Variants in TNR observed in about 807,000 individuals in gnomAD.
The protein encoded by TNR is tenascin-R.
A neutral mutation model predicts 150.4 loss-of-function variants in TNR; 45 were observed. The ratio of observed to expected loss-of-function variants is 0.30; its 90% CI spans 0.24 to 0.38. The LOEUF (loss-of-function observed/expected upper bound fraction) is 0.38, where lower values mean the gene tolerates loss of function less well. Among genes scored for constraint, TNR ranks in the 10% least tolerant of loss-of-function variants. The pLI, the probability that TNR is intolerant of heterozygous loss-of-function variation, is 1.00. For missense variants in TNR, 1,544 were observed against 1,759.1 expected, an observed-to-expected ratio of 0.88 and a Z score of 2.19; for synonymous variants, 687 against 678.4, an observed-to-expected ratio of 1.01 and a Z score of -0.20.
intron 2 of TNR, among the ~76,000 whole-genome samples, chr1:175,413,420 A>G (rs1421877798): frequency 2.0e-5 from 3 of 152,242 alleles, no homozygotes; most frequent in South Asian, 2.1e-4. Context: ...GAAGTGCTGC[A>G]TTGGATATGT....
intron 18 of TNR, 67 bp from the exon 19 acceptor site, chr1:175,337,746 T>C: frequency 6.4e-7 from 1 of 1,566,780 alleles, no homozygotes; most frequent in Non-Finnish European, 8.7e-7. Flanking sequence ...GCTCCTTGGA[T>C]CATAGAAGGT....
At position 175,615,722 on chromosome 1, in the gene TNR, A is replaced by G. The variant is rs78114925; in HGVS notation, c.-164-87353T>C. ...CATGGAGATTAAGCGGAGCCTTCCA[A>G]TTGTGCAGTGGTACTGAATGGAGAC... On this transcript the variant is annotated intron_variant, in intron 1 of 22. Transcript: ENST00000367674. Among the ~76,000 whole-genome samples, 1,150 of 152,314 alleles carry G rather than the reference A, an allele frequency of 7.6e-3. 10 individuals carry two copies. Among genetic ancestry groups the G allele is most frequent in the African/African-American group, 0.025 (1,056 of 41,572 alleles).
chr1:175,330,340 G>T, intron 20 of TNR, 105 bp from the exon 21 acceptor site: 1 of 1,166,882 alleles, frequency 8.6e-7, no homozygotes, highest in Non-Finnish European at 1.2e-6. Context: ...GGAAGAGGAG[G>T]GGACTCCAGA....
chr1:175,663,152 C>T (rs1335198081), intron 1 of TNR, among the ~76,000 whole-genome samples: 1 of 152,296 alleles, frequency 6.6e-6, no homozygotes, highest in South Asian at 2.1e-4. Flanking sequence ...AATCCAGGAG[C>T]CACAGAGACC....
chr1:175,432,193 C>A (rs1008136767), intron 2 of TNR, among the ~76,000 whole-genome samples: 10 of 152,088 alleles, frequency 6.6e-5, no homozygotes, highest in African/African-American at 2.4e-4. Flanking sequence ...AAGTGAATGG[C>A]AACATCGACC....
chr1:175,355,743 C>A (rs1283506864), intron 16 of TNR, 110 bp from the exon 17 acceptor site: 3 of 1,455,014 alleles, frequency 2.1e-6, no homozygotes, highest in Non-Finnish European at 1.9e-6. Context: ...GGATTGCTCA[C>A]ATGCTGACCC....
intron 1 of TNR, among the ~76,000 whole-genome samples, chr1:175,628,695 G>A (rs1372249217): frequency 6.6e-6 from 1 of 152,090 alleles, no homozygotes; most frequent in Non-Finnish European, 1.5e-5. Flanking sequence ...GGGAAGAGGA[G>A]CAGCAGAGAA....
chr1:175,713,801 T>C (rs1348229196), intron 1 of TNR, among the ~76,000 whole-genome samples: 2 of 152,226 alleles, frequency 1.3e-5, no homozygotes, highest in African/African-American at 4.8e-5. Context: ...CAGCGCTGAC[T>C]AAACTGAAAT....
At chr1:175,424,783 A>G (rs1654898092) in intron 2 of TNR, among the ~76,000 whole-genome samples, 2 of 152,152 alleles carry the variant, frequency 1.3e-5, no homozygotes, top group Admixed American at 6.5e-5. Flanking sequence ...CCAGAGTATC[A>G]GAAGCTTCAA....
chr1:175,700,718 T>C (rs917715352), intron 1 of TNR, among the ~76,000 whole-genome samples: 1 of 152,164 alleles, frequency 6.6e-6, no homozygotes, highest in Non-Finnish European at 1.5e-5. Flanking sequence ...GGAGGTAGAA[T>C]CAGGGGCCCT....
At chr1:175,384,692 G>A (rs1652844071) in intron 8 of TNR, among the ~76,000 whole-genome samples, 1 of 152,196 alleles carries the variant, frequency 6.6e-6, no homozygotes, top group Non-Finnish European at 1.5e-5. Flanking sequence ...CGTGGGACAG[G>A]CTGTTCCGAG....
At position 175,480,546 on chromosome 1, in the gene TNR, C is replaced by T. The variant is rs73044466; in HGVS notation, c.-64+47723G>A. On this transcript the variant is annotated intron_variant, in intron 2 of 22. Transcript: ENST00000367674. Reference sequence around the variant, plus strand: ...GTCTCATTTATAGCCTATTCCTTCTCTCTGGTCATAATGACTTGACTCATG... The same window carrying T: ...GTCTCATTTATAGCCTATTCCTTCTTTCTGGTCATAATGACTTGACTCATG... Among the ~76,000 whole-genome samples, 130 of 152,346 alleles carry T rather than the reference C, an allele frequency of 8.5e-4. 1 individual carries two copies. Among genetic ancestry groups the T allele is most frequent in the African/African-American group, 3.0e-3 (125 of 41,580 alleles).
At chr1:175,341,328 G>C (rs1007270107) in intron 18 of TNR, among the ~76,000 whole-genome samples, 4 of 152,190 alleles carry the variant, frequency 2.6e-5, no homozygotes, top group African/African-American at 9.7e-5. Context: ...AGCCTAGACC[G>C]ATGGAGAATC....
intron 9 of TNR, among the ~76,000 whole-genome samples, chr1:175,375,476 T>TC (rs1557893785): frequency 6.6e-6 from 1 of 151,322 alleles, no homozygotes; most frequent in African/African-American, 2.4e-5. Context: ...CAGAGAATAA[T>TC]GGGGGGGGAG....
rs552857338 is a variant in TNR, at chr1:175,628,153, C to T, written c.-164-99784G>A. Among the ~76,000 whole-genome samples, 19 of 152,316 alleles carry T rather than the reference C, an allele frequency of 1.2e-4. No homozygotes were observed. In the East Asian group the frequency reaches 3.5e-3, roughly 28 times the overall value. ...ACCAGCATTCCAGGTGATTCTGATG[C>T]CATTGTCTGCAGACCACACTCTGAG... is the stretch of plus-strand genomic sequence containing the variant. On this transcript the variant is annotated intron_variant, in intron 1 of 22. Coordinates refer to ENST00000367674, the MANE Select transcript of TNR (RefSeq NM_003285.3).
chr1:175,671,280 T>C (rs1432733746), intron 1 of TNR, among the ~76,000 whole-genome samples: 2 of 152,226 alleles, frequency 1.3e-5, no homozygotes, highest in African/African-American at 2.4e-5. Flanking sequence ...TCCTCCTTTA[T>C]GCTCAGTTCT....
intron 1 of TNR, among the ~76,000 whole-genome samples, chr1:175,648,802 T>A (rs1277735794): frequency 1.3e-5 from 2 of 152,166 alleles, no homozygotes; most frequent in Admixed American, 1.3e-4. Context: ...TCTTCCCATC[T>A]CAGTAAATGC....
chr1:175,524,661 GAGA>G (rs1301688849), intron 2 of TNR, among the ~76,000 whole-genome samples: 1 of 152,180 alleles, frequency 6.6e-6, no homozygotes, highest in East Asian at 1.9e-4. Context: ...GAAGCATTCT[GAGA>G]AGGAGAGTGA....
At position 175,420,172 on chromosome 1, in the gene TNR, A is replaced by G. The variant is rs191818033; in HGVS notation, c.-63-13395T>C. ...ACATCTCTCACCTCTTTGGGGCTCA[A>G]CTTCAACGAGACCTGACCACCTGGA... is the stretch of plus-strand genomic sequence containing the variant. On this transcript the variant is annotated intron_variant, in intron 2 of 22. Transcript: ENST00000367674. 2.0e-5 allele frequency among the ~76,000 whole-genome samples: 3 copies of G among 152,218 alleles called. No individual in the cohort carries two copies. The East Asian group carries it at 5.8e-4, about 29-fold the overall frequency.
Sources: allele counts gnomAD v4.1 joint callset (sites outside exome capture counted in the v4.1 genomes callset), GRCh38; gene constraint gnomAD v4.1.1; transcripts MANE v1.5; gene names NCBI Gene and HGNC (gene_info 2026-07-23, HGNC 2026-07-21).